RNF11: variants seen among roughly 807,000 people sequenced by gnomAD.
RNF11 encodes the protein ring finger protein 11.
In RNF11, 4 loss-of-function variants were observed where a neutral mutation model predicts 15.8. The ratio of observed to expected loss-of-function variants is 0.25; its 90% CI spans 0.12 to 0.58. RNF11 has a LOEUF of 0.58. Ranked by LOEUF, RNF11 falls within the 20% of genes least tolerant of loss-of-function variation. RNF11 has a pLI of 0.91. For synonymous variants in RNF11, 68 were observed against 72.3 expected (o/e 0.94, Z 0.30); for missense variants, 139 against 194.4 (o/e 0.71, Z 1.70).
At chr1:51,250,455 C>A in intron 1 of RNF11, 1 of 401,666 alleles carries the variant, frequency 2.5e-6, no homozygotes, top group Non-Finnish European at 4.5e-6. Context: ...TGCAGTTGAC[C>A]TTTGAACAAC....
At chr1:51,237,026 T>C (rs1320643917) in intron 1 of RNF11, 147 bp downstream of exon 1, 4 of 1,085,694 alleles carry the variant, frequency 3.7e-6, no homozygotes, top group Non-Finnish European at 5.1e-6. Flanking sequence ...GGGCATTTGC[T>C]CTCTGATCTC....
intron 1 of RNF11, among the ~76,000 whole-genome samples, chr1:51,252,131 A>C (rs1646881881): frequency 2.0e-5 from 3 of 151,440 alleles, no homozygotes; most frequent in Admixed American, 1.3e-4. Flanking sequence ...ACAGTATAAC[A>C]CTGTAAATGT....
chr1:51,262,309 T>C (rs1646933837), intron 1 of RNF11, among the ~76,000 whole-genome samples: 1 of 152,200 alleles, frequency 6.6e-6, no homozygotes, highest in Non-Finnish European at 1.5e-5. Context: ...TTTCTTACTA[T>C]ATGCAAAAAT....
intron 1 of RNF11, among the ~76,000 whole-genome samples, chr1:51,250,085 G>A (rs1310537943): frequency 6.6e-6 from 1 of 152,158 alleles, no homozygotes; most frequent in African/African-American, 2.4e-5. Flanking sequence ...CTGACAATAT[G>A]AGAGTTTCAT....
intron 1 of RNF11, among the ~76,000 whole-genome samples, chr1:51,260,064 G>A (rs1478393150): frequency 6.6e-6 from 1 of 152,182 alleles, no homozygotes; most frequent in Non-Finnish European, 1.5e-5. Flanking sequence ...GAGTTTGTAA[G>A]TTTAGTTAAT....
chr1:51,266,308 C>G (rs1256191910), intron 1 of RNF11, among the ~76,000 whole-genome samples: 1 of 152,038 alleles, frequency 6.6e-6, no homozygotes, highest in African/African-American at 2.4e-5. Context: ...GACAACAACC[C>G]AGGTATTTTC....
intron 1 of RNF11, among the ~76,000 whole-genome samples, chr1:51,246,516 G>A (rs1038574435): frequency 6.6e-6 from 1 of 152,112 alleles, no homozygotes; most frequent in African/African-American, 2.4e-5. Context: ...GGTATAATGA[G>A]CTGTGATGGC....
intron 1 of RNF11, among the ~76,000 whole-genome samples, chr1:51,255,400 G>A (rs570224782): frequency 6.2e-4 from 94 of 152,242 alleles, no homozygotes; most frequent in African/African-American, 2.2e-3. Context: ...GCTGGGACTA[G>A]AGGTGCATGC....
At chr1:51,252,202 AAT>A (rs2148068954) in intron 1 of RNF11, among the ~76,000 whole-genome samples, 1 of 152,296 alleles carries the variant, frequency 6.6e-6, no homozygotes, top group South Asian at 2.1e-4. Context: ...GTAAGAATGC[AAT>A]ATGTTATACA....
At chr1:51,252,805 TTGTGTGTGTGTG>T (rs145075866) in intron 1 of RNF11, among the ~76,000 whole-genome samples, 87 of 143,940 alleles carry the variant, frequency 6.0e-4, no homozygotes, top group Non-Finnish European at 9.8e-4. Context: ...TTTGTCCAGT[TTGTGTGTGTGTG>T]TGTGTGTGTG....
chr1:51,271,299 CT>C lies in RNF11; in HGVS notation c.445del (p.Ser149HisfsTer13). The C allele has an allele frequency of 6.2e-7, 1 of 1,613,778 alleles. No homozygotes were observed. The highest frequency in any genetic ancestry group is 8.5e-7 in the Non-Finnish European group (1 of 1,179,768). ...SCMEPVDAAL[L>X]SSYETN ...CATGGAGCCAGTTGATGCAGCACTG[CT>C]TTCATCCTATGAGACTAATTGAGCC... On this transcript the variant is annotated frameshift_variant, in exon 3 of 3. Transcript: ENST00000242719. LOFTEE classifies it high-confidence loss of function.
At chr1:51,246,351 G>C (rs541604040) in intron 1 of RNF11, among the ~76,000 whole-genome samples, 2 of 152,252 alleles carry the variant, frequency 1.3e-5, no homozygotes, top group African/African-American at 4.8e-5. Flanking sequence ...AAGTGGGAAG[G>C]ATTGCTTGAG....
intron 1 of RNF11, among the ~76,000 whole-genome samples, chr1:51,267,921 G>A (rs1395287604): frequency 6.6e-6 from 1 of 152,178 alleles, no homozygotes; most frequent in Non-Finnish European, 1.5e-5. Flanking sequence ...AGTAGAGATG[G>A]TGTTTTACCA....
chr1:51,242,831 T>G (rs1053824365), intron 1 of RNF11, among the ~76,000 whole-genome samples: 5 of 152,178 alleles, frequency 3.3e-5, no homozygotes, highest in Admixed American at 6.5e-5. Context: ...AAGGGTTGTG[T>G]TTTTTTATTA....
Position 51,271,823 on chromosome 1 carries a change from T to C in RNF11, c.*501T>C, listed in dbSNP as rs1246542984. The C allele has an allele frequency of 2.0e-5, 3 of 153,068 alleles. No individual in the cohort carries two copies. Among genetic ancestry groups the C allele is most frequent in the African/African-American group, 7.2e-5 (3 of 41,452 alleles). 9.5% of individuals were successfully genotyped at this position (153,068 alleles called of 1,614,324 possible). A position where few individuals can be genotyped will look rare whatever the true frequency, so the allele number is the denominator to read the frequency against. On this transcript the variant is annotated 3_prime_UTR_variant, in exon 3 of 3. Transcript: ENST00000242719. Reference sequence around the variant, plus strand: ...TTTTAAGCTTGTTTGCACAGTTCTTTTTTTCCATTGGAAATGGAATTCATT... The same window carrying C: ...TTTTAAGCTTGTTTGCACAGTTCTTCTTTTCCATTGGAAATGGAATTCATT...
chr1:51,265,996 G>C (rs1326964476), intron 1 of RNF11: 1 of 152,004 alleles, frequency 6.6e-6, no homozygotes, highest in African/African-American at 2.4e-5. Flanking sequence ...GGATAACAGA[G>C]CTAAATGACT....
intron 1 of RNF11, among the ~76,000 whole-genome samples, chr1:51,239,488 C>T (rs1296917556): frequency 6.6e-6 from 1 of 151,972 alleles, no homozygotes; most frequent in Non-Finnish European, 1.5e-5. Flanking sequence ...AGTATTGTCC[C>T]CCACCCCCAA....
At chr1:51,252,980 C>T (rs111362722) in intron 1 of RNF11, among the ~76,000 whole-genome samples, 9 of 151,972 alleles carry the variant, frequency 5.9e-5, no homozygotes, top group Non-Finnish European at 7.4e-5. Flanking sequence ...GCGCCCACCA[C>T]GCGCGGCTAA....
intron 1 of RNF11, among the ~76,000 whole-genome samples, chr1:51,254,563 G>A (rs1156330248): frequency 6.6e-6 from 1 of 152,058 alleles, no homozygotes; most frequent in Non-Finnish European, 1.5e-5. Flanking sequence ...GGGTTCAAAC[G>A]ATTCTCCTGT....
Sources: gnomAD v4.1 joint callset for allele counts (sites outside exome capture counted in the v4.1 genomes callset) on GRCh38, gnomAD v4.1.1 for gene constraint, MANE v1.5 for transcripts, NCBI Gene and HGNC (gene_info 2026-07-23, HGNC 2026-07-21) for gene names.